Variants in TTC28 observed in about 807,000 individuals in gnomAD.
The protein encoded by TTC28 is tetratricopeptide repeat protein 28.
Under a neutral mutation model 198.0 loss-of-function variants are expected in TTC28, and 61 were observed. The observed-to-expected ratio is 0.31, with a 90% CI of 0.25 to 0.38. TTC28 has a LOEUF of 0.38. Among genes scored for constraint, TTC28 ranks in the 10% least tolerant of loss-of-function variants. The pLI, the probability that TTC28 is intolerant of heterozygous loss-of-function variation, is 1.00. For missense variants in TTC28, 2,678 were observed against 3,164.0 expected (o/e 0.85, Z 3.69); for synonymous variants, 1,171 against 1,297.8 (o/e 0.90, Z 2.10).
chr22:28,056,901 C>G (rs902188723), intron 12 of TTC28, among the ~76,000 whole-genome samples: 1 of 152,180 alleles, frequency 6.6e-6, no homozygotes, highest in Non-Finnish European at 1.5e-5. Context: ...GGTATATGCT[C>G]TTCTGGGTAA....
intron 5 of TTC28, among the ~76,000 whole-genome samples, chr22:28,255,667 G>A (rs1006209264): frequency 2.0e-5 from 3 of 146,556 alleles, no homozygotes; most frequent in African/African-American, 7.5e-5. Flanking sequence ...GGCAATAAGA[G>A]CAAAACTCCG....
intron 5 of TTC28, among the ~76,000 whole-genome samples, chr22:28,239,848 G>A (rs1002748960): frequency 1.3e-5 from 2 of 152,186 alleles, no homozygotes; most frequent in African/African-American, 2.4e-5. Context: ...AGCCTTTCCT[G>A]AAGGAACTGC....
chr22:28,289,885 G>A (rs769549399), intron 5 of TTC28, among the ~76,000 whole-genome samples: 12 of 151,982 alleles, frequency 7.9e-5, no homozygotes, highest in Non-Finnish European at 1.5e-4. Context: ...TTAGCTGGGC[G>A]TGGTGGTGCG....
rs1199618386 is a variant in TTC28 at position 28,677,195 on chromosome 22, TATATATAC to T, written c.102+2419_102+2426del. Reference sequence around the variant, plus strand: ...AAAAAAATATATATATATATATATATATATATACACACATATATATTAAGTTAAAACCC... The same window carrying T: ...AAAAAAATATATATATATATATATATACACATATATATTAAGTTAAAACCC... On this transcript the variant is annotated intron_variant, in intron 1 of 22. Transcript: ENST00000397906. 9.6e-3 allele frequency among the ~76,000 whole-genome samples: 1,084 copies of T among 112,732 alleles called. 41 individuals are homozygous for T. Among genetic ancestry groups the T allele is most frequent in the African/African-American group, 0.014 (412 of 29,386 alleles). The allele number at this position is 112,732 out of a possible 152,430, so 74.0% of individuals were successfully genotyped here.
At chr22:28,034,402 C>A (rs888923711) in intron 12 of TTC28, among the ~76,000 whole-genome samples, 4 of 152,216 alleles carry the variant, frequency 2.6e-5, no homozygotes, top group Non-Finnish European at 5.9e-5. Context: ...GCTCTGGACC[C>A]TTGGCCCTGC....
intron 2 of TTC28, among the ~76,000 whole-genome samples, chr22:28,545,209 A>G (rs888506416): frequency 6.6e-6 from 1 of 152,118 alleles, no homozygotes; most frequent in African/African-American, 2.4e-5. Context: ...ACTTCACCAT[A>G]CTACAGATTC....
At chr22:28,182,035 T>A (rs921869781) in intron 5 of TTC28, among the ~76,000 whole-genome samples, 1 of 152,186 alleles carries the variant, frequency 6.6e-6, no homozygotes, top group Non-Finnish European at 1.5e-5. Context: ...CATGAAATAT[T>A]AGAGAGTCGA....
chr22:28,399,987 T>C (rs1018474523), intron 2 of TTC28, among the ~76,000 whole-genome samples: 5 of 152,244 alleles, frequency 3.3e-5, no homozygotes, highest in African/African-American at 1.2e-4. Flanking sequence ...ATTCCCATCG[T>C]CCAGAAAGAT....
chr22:28,212,024 C>A (rs944908254), intron 5 of TTC28, among the ~76,000 whole-genome samples: 2 of 152,134 alleles, frequency 1.3e-5, no homozygotes, highest in Non-Finnish European at 2.9e-5. Context: ...TCCTCAATGA[C>A]TACTGGGTAC....
chr22:28,670,298 T>C (rs1569091669), intron 1 of TTC28, among the ~76,000 whole-genome samples: 1 of 152,176 alleles, frequency 6.6e-6, no homozygotes, highest in Admixed American at 6.5e-5. Context: ...AATTTTAGAA[T>C]AGTCTCATCA....
intron 2 of TTC28, among the ~76,000 whole-genome samples, chr22:28,606,756 C>G (rs773266231): frequency 2.8e-4 from 42 of 152,080 alleles, no homozygotes; most frequent in Non-Finnish European, 2.9e-4. Context: ...AAAATCATGT[C>G]TTTAACACAT....
chr22:28,204,518 T>C (rs1401871461), intron 5 of TTC28, among the ~76,000 whole-genome samples: 1 of 152,102 alleles, frequency 6.6e-6, no homozygotes, highest in East Asian at 1.9e-4. Flanking sequence ...CAAATCCAGC[T>C]CCATCTAACT....
At chr22:28,218,705 A>T (rs776248792) in intron 5 of TTC28, among the ~76,000 whole-genome samples, 6 of 152,142 alleles carry the variant, frequency 3.9e-5, no homozygotes, top group Non-Finnish European at 8.8e-5. Flanking sequence ...AATCACTGCA[A>T]ATACTAAAAA....
At chr22:28,177,549 T>C (rs770019349) in intron 5 of TTC28, among the ~76,000 whole-genome samples, 4 of 152,228 alleles carry the variant, frequency 2.6e-5, no homozygotes, top group Admixed American at 1.3e-4. Context: ...CGAAAACCTG[T>C]GCATGACTGT....
At chr22:28,618,810 C>A (rs1569063764) in intron 2 of TTC28, among the ~76,000 whole-genome samples, 2 of 151,234 alleles carry the variant, frequency 1.3e-5, no homozygotes, top group East Asian at 3.9e-4. Flanking sequence ...GCAAAATAAA[C>A]AGTGCTTGCT....
At chr22:28,609,898 G>A (rs2050791050) in intron 2 of TTC28, among the ~76,000 whole-genome samples, 1 of 152,124 alleles carries the variant, frequency 6.6e-6, no homozygotes, top group African/African-American at 2.4e-5. Context: ...CAAGCTTGGT[G>A]GGGAGACAGG....
At chr22:28,598,267 T>C (rs2050574410) in intron 2 of TTC28, among the ~76,000 whole-genome samples, 2 of 151,366 alleles carry the variant, frequency 1.3e-5, no homozygotes, top group Non-Finnish European at 2.9e-5. Context: ...TCCCAGCACT[T>C]TGGGAGGCCG....
chr22:28,384,809 T>C (rs919232207), intron 2 of TTC28, among the ~76,000 whole-genome samples: 4 of 152,168 alleles, frequency 2.6e-5, no homozygotes, highest in African/African-American at 9.7e-5. Context: ...AAACTTTGTC[T>C]ACTGCATTTC....
chr22:28,619,512 T>A (rs893113978), intron 2 of TTC28, among the ~76,000 whole-genome samples: 1 of 152,224 alleles, frequency 6.6e-6, no homozygotes, highest in African/African-American at 2.4e-5. Context: ...CAAATTTCAG[T>A]TACCACTGTA....
Sources: allele counts gnomAD v4.1 joint callset (sites outside exome capture counted in the v4.1 genomes callset), GRCh38; gene constraint gnomAD v4.1.1; transcripts MANE v1.5; gene names NCBI Gene and HGNC (gene_info 2026-07-23, HGNC 2026-07-21).